Variants in DPP10 observed in about 807,000 individuals in gnomAD.
DPP10 encodes the protein dipeptidyl peptidase like 10.
A neutral mutation model predicts 120.9 loss-of-function variants in DPP10; 33 were observed. The observed-to-expected ratio is 0.27, with a 90% CI of 0.21 to 0.37. DPP10 has a LOEUF of 0.37. DPP10 is among the 10% of genes least tolerant of loss of function. The probability of loss-of-function intolerance (pLI) is 1.00; values close to 1 mark genes in which losing one functional copy is unlikely to be tolerated. For missense variants in DPP10, 816 were observed against 942.8 expected, an observed-to-expected ratio of 0.87 and a Z score of 1.76; for synonymous variants, 337 against 326.1, an observed-to-expected ratio of 1.03 and a Z score of -0.36.
At chr2:114,945,022 A>G (rs1275404397) in intron 1 of DPP10, among the ~76,000 whole-genome samples, 1 of 152,206 alleles carries the variant, frequency 6.6e-6, no homozygotes, top group Non-Finnish European at 1.5e-5. Context: ...ATATTGGAGA[A>G]CTTGAGTGTC....
chr2:114,964,336 C>A (rs1406603123), intron 1 of DPP10, among the ~76,000 whole-genome samples: 1 of 152,020 alleles, frequency 6.6e-6, no homozygotes, highest in Non-Finnish European at 1.5e-5. Flanking sequence ...ACAGTCAAAT[C>A]TTCTTCCTCT....
intron 3 of DPP10, among the ~76,000 whole-genome samples, chr2:115,453,582 G>C (rs2073293981): frequency 6.6e-6 from 1 of 151,372 alleles, no homozygotes; most frequent in Admixed American, 6.6e-5. Context: ...AAAATATTTT[G>C]GACTGAATGA....
intron 1 of DPP10, among the ~76,000 whole-genome samples, chr2:115,163,663 A>C (rs920225491): frequency 2.0e-5 from 3 of 152,174 alleles, no homozygotes. Flanking sequence ...ACAGCCCTTA[A>C]ATTTCATTAA....
intron 1 of DPP10, among the ~76,000 whole-genome samples, chr2:114,728,914 G>C (rs1676617158): frequency 6.6e-6 from 1 of 152,160 alleles, no homozygotes; most frequent in Admixed American, 6.5e-5. Context: ...CTAGAGTTTG[G>C]AGGTCTCTTT....
chr2:115,023,606 A>G (rs1703236800), intron 1 of DPP10, among the ~76,000 whole-genome samples: 1 of 152,208 alleles, frequency 6.6e-6, no homozygotes, highest in African/African-American at 2.4e-5. Context: ...AAGAACTAGA[A>G]GTAGATCTGC....
At chr2:115,402,153 T>C (rs1202014114) in intron 3 of DPP10, among the ~76,000 whole-genome samples, 1 of 152,146 alleles carries the variant, frequency 6.6e-6, no homozygotes, top group Non-Finnish European at 1.5e-5. Context: ...TTGCCCTTTC[T>C]CTAGGCCAAC....
intron 5 of DPP10, among the ~76,000 whole-genome samples, chr2:115,633,441 G>A (rs2086060090): frequency 6.6e-6 from 1 of 152,136 alleles, no homozygotes; most frequent in Non-Finnish European, 1.5e-5. Context: ...TGGGGTGGGG[G>A]TAAGGGGGAA....
chr2:115,217,190 C>T (rs2056882855), intron 1 of DPP10, among the ~76,000 whole-genome samples: 1 of 152,126 alleles, frequency 6.6e-6, no homozygotes, highest in Non-Finnish European at 1.5e-5. Flanking sequence ...TTGAATCCTA[C>T]GTCTGCTAAT....
At chr2:114,460,789 T>C (rs1678862430) in intron 1 of DPP10, among the ~76,000 whole-genome samples, 1 of 152,202 alleles carries the variant, frequency 6.6e-6, no homozygotes, top group Non-Finnish European at 1.5e-5. Flanking sequence ...TTTCTTTCAT[T>C]AGGACAAATT....
intron 1 of DPP10, among the ~76,000 whole-genome samples, chr2:114,891,945 C>T (rs1197497928): frequency 6.6e-6 from 1 of 152,158 alleles, no homozygotes; most frequent in Non-Finnish European, 1.5e-5. Context: ...GTCTGTCTGT[C>T]TGTCTGTCTG....
intron 5 of DPP10, among the ~76,000 whole-genome samples, chr2:115,565,848 T>C (rs2080978686): frequency 6.7e-6 from 1 of 149,852 alleles, no homozygotes; most frequent in Admixed American, 6.7e-5. Flanking sequence ...TGCAGCAGCA[T>C]GATCTTGGCT....
intron 3 of DPP10, among the ~76,000 whole-genome samples, chr2:115,479,977 A>G (rs1473092950): frequency 6.6e-6 from 1 of 152,174 alleles, no homozygotes; most frequent in East Asian, 1.9e-4. Flanking sequence ...TTCCCCTAAT[A>G]GAACAAATTC....
intron 2 of DPP10, among the ~76,000 whole-genome samples, chr2:115,310,935 A>C (rs1240072049): frequency 6.6e-6 from 1 of 152,124 alleles, no homozygotes; most frequent in African/African-American, 2.4e-5. Context: ...TCACTTTCTC[A>C]GGTTTTCTTG....
chr2:115,308,725 G>A (rs938969001), intron 1 of DPP10, among the ~76,000 whole-genome samples: 61 of 147,900 alleles, frequency 4.1e-4, no homozygotes, highest in African/African-American at 1.4e-3. Flanking sequence ...TATGAGTGGT[G>A]GGAGAACTGT....
chr2:114,556,684 A>G (rs137948087), intron 1 of DPP10, among the ~76,000 whole-genome samples: 16 of 152,284 alleles, frequency 1.1e-4, no homozygotes, highest in African/African-American at 3.8e-4. Context: ...AAGTGTATAC[A>G]TAGAGAAGAG....
chr2:114,789,098 A>G (rs963644384), intron 1 of DPP10, among the ~76,000 whole-genome samples: 1 of 152,216 alleles, frequency 6.6e-6, no homozygotes, highest in African/African-American at 2.4e-5. Flanking sequence ...CTAAATGCCC[A>G]TCAGAGACAT....
chr2:114,606,620 T>G (rs1371024350), intron 1 of DPP10, among the ~76,000 whole-genome samples: 1 of 152,140 alleles, frequency 6.6e-6, no homozygotes, highest in Admixed American at 6.6e-5. Flanking sequence ...AGAAGACAAA[T>G]GCAATACCAT....
intron 7 of DPP10, among the ~76,000 whole-genome samples, chr2:115,709,266 AAG>A (rs1473752855): frequency 6.6e-6 from 1 of 152,080 alleles, no homozygotes; most frequent in Non-Finnish European, 1.5e-5. Flanking sequence ...GACCAAGAGA[AAG>A]AGCCCTTGAG....
intron 1 of DPP10, among the ~76,000 whole-genome samples, chr2:115,207,128 C>T (rs923160347): frequency 6.6e-6 from 1 of 152,178 alleles, no homozygotes; most frequent in Non-Finnish European, 1.5e-5. Flanking sequence ...GATGCTTACA[C>T]TTCCCAGATA....
Sources: allele counts gnomAD v4.1 joint callset (sites outside exome capture counted in the v4.1 genomes callset), GRCh38; gene constraint gnomAD v4.1.1; transcripts MANE v1.5; gene names NCBI Gene and HGNC (gene_info 2026-07-23, HGNC 2026-07-21).